Variants in SVEP1 observed in about 807,000 individuals in gnomAD.
SVEP1 encodes sushi, von Willebrand factor type A, EGF and pentraxin domain-containing protein 1.
In SVEP1, 164 loss-of-function variants were observed where a neutral mutation model predicts 367.3. The ratio of observed to expected loss-of-function variants is 0.45; its 90% CI spans 0.39 to 0.51. The LOEUF is 0.51. Among genes scored for constraint, SVEP1 ranks in the 20% least tolerant of loss-of-function variants. The probability of loss-of-function intolerance (pLI) is 0.00; values close to 1 mark genes in which losing one functional copy is unlikely to be tolerated. For missense variants in SVEP1, 4,117 were observed against 4,425.3 expected, an observed-to-expected ratio of 0.93 and a Z score of 1.98; for synonymous variants, 1,666 against 1,611.6, an observed-to-expected ratio of 1.03 and a Z score of -0.81.
At chr9:110,398,290 T>A (rs986243641) in intron 40 of SVEP1, among the ~76,000 whole-genome samples, 2 of 152,200 alleles carry the variant, frequency 1.3e-5, no homozygotes, top group African/African-American at 4.8e-5. Flanking sequence ...GCTAGCCATA[T>A]GTAGAAAGCT....
chr9:110,429,070 A>G, intron 35 of SVEP1, 73 bp downstream of exon 35: 2 of 1,311,032 alleles, frequency 1.5e-6, no homozygotes, highest in Admixed American at 3.1e-5. Flanking sequence ...CCATGTCTCA[A>G]AAAAATTAAA....
chr9:110,389,033 G>A (rs1410780691), intron 41 of SVEP1, among the ~76,000 whole-genome samples: 1 of 152,054 alleles, frequency 6.6e-6, no homozygotes, highest in Non-Finnish European at 1.5e-5. Context: ...GGGAATACTG[G>A]GGATAAAGTT....
rs749642889 is a variant in SVEP1, at chr9:110,546,224, C to T, written c.855G>A (p.Lys285=). ...VHCSYLCDEG[K]DCCDRMGSCK... Reference sequence around the variant, plus strand: ...AGCTTCCCATTCGGTCACAGCAGTCCTTGCCTTCATCACAAAGATATGAGC... The same window carrying T: ...AGCTTCCCATTCGGTCACAGCAGTCTTTGCCTTCATCACAAAGATATGAGC... Residue 285 remains lysine (K), a synonymous_variant, in exon 3 of 48, where the codon AAG becomes AAA. Transcript: ENST00000374469. 3 of 1,587,266 alleles carry T rather than the reference C, an allele frequency of 1.9e-6. No individual in the cohort carries two copies. The highest frequency in any genetic ancestry group is 1.2e-5 in the South Asian group (1 of 86,276).
In SVEP1 at chr9:110,407,971, A is replaced by G; in HGVS notation, c.7629T>C (p.Asp2543=). Residue 2543 remains aspartate (D), a synonymous_variant, in exon 38 of 48, where the codon GAT becomes GAC. Transcript: ENST00000374469. ...TGCAAGATGGGGCATCTACATCCCA[A>G]TCACCTGTCTCTAAACAGGTCAAGG... ...PSALTCLETG[D]WDVDAPSCNA... is the part of the protein sequence containing the mutation. The G allele has an allele frequency of 6.2e-7, 1 of 1,614,026 alleles. No homozygotes were observed. Among genetic ancestry groups the G allele is most frequent in the Non-Finnish European group, 8.5e-7 (1 of 1,179,884 alleles).
chr9:110,571,925 T>TAC (rs916604134), intron 1 of SVEP1, among the ~76,000 whole-genome samples: 3 of 152,162 alleles, frequency 2.0e-5, no homozygotes, highest in African/African-American at 7.2e-5. Flanking sequence ...GATTAAATTA[T>TAC]ACACACACAT....
At chr9:110,382,770 C>T (rs1055748259) in intron 43 of SVEP1, among the ~76,000 whole-genome samples, 1 of 152,140 alleles carries the variant, frequency 6.6e-6, no homozygotes, top group African/African-American at 2.4e-5. Context: ...TCCTTTCATT[C>T]TTTGTTCTCT....
At chr9:110,399,469 C>G (rs1015174114) in intron 40 of SVEP1, among the ~76,000 whole-genome samples, 1 of 151,654 alleles carries the variant, frequency 6.6e-6, no homozygotes, top group African/African-American at 2.4e-5. Context: ...GCACATGTAC[C>G]CTAAAACTTA....
intron 20 of SVEP1, 70 bp downstream of exon 20, chr9:110,458,401 G>A (rs1263289245): frequency 7.7e-7 from 1 of 1,303,376 alleles, no homozygotes; most frequent in African/African-American, 1.5e-5. Flanking sequence ...TTTCCTGTGT[G>A]TGATGTGTAA....
intron 40 of SVEP1, among the ~76,000 whole-genome samples, chr9:110,394,129 C>T (rs1827717922): frequency 6.6e-6 from 1 of 152,050 alleles, no homozygotes. Context: ...ACTGACACCT[C>T]ACATGGCCGG....
intron 3 of SVEP1, among the ~76,000 whole-genome samples, chr9:110,543,910 G>A (rs1830185243): frequency 6.6e-6 from 1 of 152,120 alleles, no homozygotes; most frequent in Non-Finnish European, 1.5e-5. Flanking sequence ...AGGCAGTTGA[G>A]CTGATCTGCT....
chr9:110,560,026 T>C (rs1830405699), intron 1 of SVEP1, among the ~76,000 whole-genome samples: 3 of 152,174 alleles, frequency 2.0e-5, no homozygotes, highest in East Asian at 1.9e-4. Context: ...ATACAGTATA[T>C]AGTCATGTAT....
chr9:110,528,577 A>T (rs979234565), intron 3 of SVEP1, among the ~76,000 whole-genome samples: 34 of 151,986 alleles, frequency 2.2e-4, no homozygotes, highest in African/African-American at 7.7e-4. Context: ...AGCATTTTTC[A>T]TATGTTTGTT....
intron 5 of SVEP1, among the ~76,000 whole-genome samples, chr9:110,504,200 G>A (rs1460053617): frequency 2.7e-5 from 4 of 148,588 alleles, no homozygotes; most frequent in Non-Finnish European, 3.0e-5. Context: ...GACTACAGGC[G>A]CCCTCTACCA....
chr9:110,403,745 C>T (rs1827907251), intron 39 of SVEP1, among the ~76,000 whole-genome samples: 1 of 151,786 alleles, frequency 6.6e-6, no homozygotes, highest in African/African-American at 2.4e-5. Context: ...GGGTTATGCC[C>T]AATATGTTTC....
intron 1 of SVEP1, among the ~76,000 whole-genome samples, chr9:110,561,248 T>A (rs1395373735): frequency 2.0e-5 from 3 of 152,152 alleles, no homozygotes; most frequent in African/African-American, 7.2e-5. Flanking sequence ...TTTTTACTAG[T>A]TCTTCCAACT....
chr9:110,473,434 A>T (rs903780929), intron 14 of SVEP1, among the ~76,000 whole-genome samples: 1 of 143,570 alleles, frequency 7.0e-6, no homozygotes, highest in Non-Finnish European at 1.6e-5. Context: ...ATTTATGCAT[A>T]TGTGCATACA....
At chr9:110,487,340 T>C (rs1176032489) in intron 9 of SVEP1, among the ~76,000 whole-genome samples, 1 of 152,224 alleles carries the variant, frequency 6.6e-6, no homozygotes, top group Non-Finnish European at 1.5e-5. Context: ...TGACTCTTCA[T>C]TATGAAAAAT....
chr9:110,393,086 TAACATA>T (rs1211600331), intron 40 of SVEP1, among the ~76,000 whole-genome samples: 3 of 152,236 alleles, frequency 2.0e-5, no homozygotes, highest in African/African-American at 7.2e-5. Flanking sequence ...ATTTTTCAGT[TAACATA>T]TATTTCCACA....
At position 110,572,869 on chromosome 9, in the gene SVEP1, C is replaced by T. The variant is rs538797949; in HGVS notation, c.531+6144G>A. ...ATATGTGAGGTCTGGAATTGTTGTACGTACTGAGGATTTATTTCTTCATTA... is the reference window on the plus strand; with the variant it reads ...ATATGTGAGGTCTGGAATTGTTGTATGTACTGAGGATTTATTTCTTCATTA... On this transcript the variant is annotated intron_variant, in intron 1 of 47. Coordinates refer to ENST00000374469, the MANE Select transcript of SVEP1 (RefSeq NM_153366.4). Among the ~76,000 whole-genome samples, 101 of 148,894 alleles carry T rather than the reference C, an allele frequency of 6.8e-4. 2 individuals are homozygous for T. The Middle Eastern group carries it at 0.01, about 15-fold the overall frequency.
Sources: gnomAD v4.1 joint callset for allele counts (sites outside exome capture counted in the v4.1 genomes callset) on GRCh38, gnomAD v4.1.1 for gene constraint, MANE v1.5 for transcripts, NCBI Gene and HGNC (gene_info 2026-07-23, HGNC 2026-07-21) for gene names.